The following FARP1 variants were observed in gnomAD, a reference collection of about 807,000 sequenced individuals.
FARP1 encodes the protein FERM, ARH/RhoGEF and pleckstrin domain protein 1, also known as FERM, ARHGEF and pleckstrin domain-containing protein 1.
In FARP1, 52 loss-of-function variants were observed where a neutral mutation model predicts 128.8. The ratio of observed to expected loss-of-function variants is 0.40; its 90% CI spans 0.32 to 0.51. The LOEUF is 0.51. FARP1 is among the 20% of genes least tolerant of loss of function. The probability of loss-of-function intolerance (pLI) is 0.45; values close to 1 mark genes in which losing one functional copy is unlikely to be tolerated. For missense variants in FARP1, 1,333 were observed against 1,367.9 expected, an observed-to-expected ratio of 0.97 and a Z score of 0.40; for synonymous variants, 580 against 551.8, an observed-to-expected ratio of 1.05 and a Z score of -0.72.
chr13:98,151,247 C>G (rs1875975393), intron 1 of FARP1, among the ~76,000 whole-genome samples: 1 of 152,144 alleles, frequency 6.6e-6, no homozygotes, highest in African/African-American at 2.4e-5. Flanking sequence ...GTGCCTAATG[C>G]ATACATTCAA....
intron 1 of FARP1, among the ~76,000 whole-genome samples, chr13:98,154,836 G>T (rs1361198208): frequency 6.6e-6 from 1 of 152,116 alleles, no homozygotes; most frequent in African/African-American, 2.4e-5. Context: ...GGTAAACATT[G>T]ATTATCTTTT....
At chr13:98,191,629 C>T (rs943992255) in intron 1 of FARP1, among the ~76,000 whole-genome samples, 18 of 152,220 alleles carry the variant, frequency 1.2e-4, no homozygotes, top group African/African-American at 4.3e-4. Flanking sequence ...TGTAATATAG[C>T]AATAAGACCA....
At chr13:98,322,175 G>A (rs1357827940) in intron 2 of FARP1, among the ~76,000 whole-genome samples, 3 of 152,216 alleles carry the variant, frequency 2.0e-5, no homozygotes, top group Non-Finnish European at 4.4e-5. Flanking sequence ...GCAGGTGCCT[G>A]TAATCCCAGC....
At chr13:98,263,259 C>T (rs1222993408) in intron 2 of FARP1, among the ~76,000 whole-genome samples, 7 of 152,006 alleles carry the variant, frequency 4.6e-5, no homozygotes, top group African/African-American at 1.2e-4. Context: ...CTGCCCGGCT[C>T]GGCCTCCCAA....
chr13:98,302,467 C>T (rs957837058), intron 2 of FARP1, among the ~76,000 whole-genome samples: 9 of 152,178 alleles, frequency 5.9e-5, no homozygotes, highest in African/African-American at 2.2e-4. Flanking sequence ...CTGTCCGGGG[C>T]AGATCAGCTT....
rs1418592966 is a variant in FARP1 at position 98,143,286 on chromosome 13, C to T, written c.-230C>T. The T allele has an allele frequency of 6.7e-6, 1 of 148,592 alleles. No individual in the cohort carries two copies. Among genetic ancestry groups the T allele is most frequent in the African/African-American group, 2.4e-5 (1 of 40,988 alleles). The allele number at this position is 148,592 out of a possible 1,614,324, so 9.2% of individuals were successfully genotyped here. On this transcript the variant is annotated 5_prime_UTR_variant, in exon 1 of 27. Coordinates refer to ENST00000319562, the MANE Select transcript of FARP1 (RefSeq NM_005766.4). ...GCCCGCTCCCCACCCACCCCGCCTG[C>T]TCCGCCCTCCCCTCCGCCCCGCGCC...
rs539834435 is a variant in FARP1 at position 98,281,030 on chromosome 13, A to C, written c.172-62732A>C. ...ATTATGTATTATAAATAGTAAAAGC[A>C]AAAATATATTTATTAATAATGGCTA... On this transcript the variant is annotated intron_variant, in intron 2 of 26. Coordinates refer to ENST00000319562, the MANE Select transcript of FARP1 (RefSeq NM_005766.4). Among the ~76,000 whole-genome samples, 21 of 152,352 alleles carry C rather than the reference A, an allele frequency of 1.4e-4. No homozygotes were observed. In the South Asian group the frequency reaches 4.1e-3, roughly 30 times the overall value.
intron 1 of FARP1, among the ~76,000 whole-genome samples, chr13:98,147,172 T>A (rs1343071615): frequency 6.6e-6 from 1 of 152,224 alleles, no homozygotes; most frequent in Non-Finnish European, 1.5e-5. Flanking sequence ...TTAAAAATGT[T>A]TGGCCAAGTG....
intron 2 of FARP1, among the ~76,000 whole-genome samples, chr13:98,217,341 G>T (rs1423914653): frequency 1.3e-5 from 2 of 152,200 alleles, no homozygotes; most frequent in Non-Finnish European, 2.9e-5. Flanking sequence ...CTGTCGAAGG[G>T]TTAGAAGGAG....
intron 2 of FARP1, among the ~76,000 whole-genome samples, chr13:98,240,813 G>A (rs1882724502): frequency 1.3e-5 from 2 of 152,328 alleles, no homozygotes; most frequent in African/African-American, 4.8e-5. Flanking sequence ...CTTAGGATGG[G>A]AAGGCCTCAG....
At chr13:98,306,960 A>G (rs887861313) in intron 2 of FARP1, among the ~76,000 whole-genome samples, 1 of 152,134 alleles carries the variant, frequency 6.6e-6, no homozygotes, top group Non-Finnish European at 1.5e-5. Context: ...CTTCATGACC[A>G]CCCTCCCAGA....
intron 2 of FARP1, among the ~76,000 whole-genome samples, chr13:98,228,192 C>T (rs755341039): frequency 7.9e-5 from 12 of 152,100 alleles, no homozygotes; most frequent in Non-Finnish European, 1.8e-4. Context: ...AACCCTGTCT[C>T]TACTAAAAAT....
chr13:98,261,173 TG>T (rs1434932444), intron 2 of FARP1, among the ~76,000 whole-genome samples: 4 of 152,178 alleles, frequency 2.6e-5, no homozygotes, highest in Admixed American at 2.6e-4. Context: ...GAACCACTGC[TG>T]TGGTCCCATG....
chr13:98,420,960 T>G (rs1264455563), intron 16 of FARP1, among the ~76,000 whole-genome samples: 1 of 152,220 alleles, frequency 6.6e-6, no homozygotes, highest in Non-Finnish European at 1.5e-5. Flanking sequence ...GGCTGTGTCC[T>G]GTGTATTTGG....
At chr13:98,298,225 A>AT (rs35343671) in intron 2 of FARP1, among the ~76,000 whole-genome samples, 3 of 152,188 alleles carry the variant, frequency 2.0e-5, no homozygotes, top group Admixed American at 6.5e-5. Flanking sequence ...AGCATTTTCA[A>AT]GGCTTGGTTA....
chr13:98,323,697 A>G (rs1887106250), intron 2 of FARP1, among the ~76,000 whole-genome samples: 1 of 151,380 alleles, frequency 6.6e-6, no homozygotes, highest in Non-Finnish European at 1.5e-5. Flanking sequence ...TTTAAAGGAG[A>G]GCAGAAAGAC....
chr13:98,182,330 C>T (rs918814811), intron 1 of FARP1, among the ~76,000 whole-genome samples: 2 of 151,830 alleles, frequency 1.3e-5, no homozygotes, highest in Non-Finnish European at 2.9e-5. Context: ...TTTATTTAAT[C>T]GATTTTATTT....
chr13:98,157,694 G>A (rs911630769), intron 1 of FARP1, among the ~76,000 whole-genome samples: 2 of 152,162 alleles, frequency 1.3e-5, no homozygotes, highest in Non-Finnish European at 2.9e-5. Flanking sequence ...GTGTGCCTAA[G>A]GTCACACAGC....
At chr13:98,285,986 A>G (rs1206206160) in intron 2 of FARP1, among the ~76,000 whole-genome samples, 1 of 152,022 alleles carries the variant, frequency 6.6e-6, no homozygotes, top group Non-Finnish European at 1.5e-5. Context: ...AGACCTATGT[A>G]TGCCGCTTCC....
Sources: gnomAD v4.1 joint callset for allele counts (sites outside exome capture counted in the v4.1 genomes callset) on GRCh38, gnomAD v4.1.1 for gene constraint, MANE v1.5 for transcripts, NCBI Gene and HGNC (gene_info 2026-07-23, HGNC 2026-07-21) for gene names.